The following SLC29A4 variants were observed in gnomAD, a reference collection of about 807,000 sequenced individuals.
SLC29A4 encodes the protein solute carrier family 29 member 4.
In SLC29A4, 36 loss-of-function variants were observed where a neutral mutation model predicts 43.9. The observed-to-expected ratio is 0.82, with a 90% CI of 0.63 to 1.08. SLC29A4 has a LOEUF of 1.08. Among genes scored for constraint, SLC29A4 ranks in the 50% least tolerant of loss-of-function variants. The pLI, the probability that SLC29A4 is intolerant of heterozygous loss-of-function variation, is 0.00. For missense variants in SLC29A4, 869 were observed against 755.3 expected (o/e 1.15, Z -1.77); for synonymous variants, 491 against 338.0 (o/e 1.45, Z -4.97).
chr7:5,303,055 C>T lies in SLC29A4; in HGVS notation c.*116C>T, dbSNP rs557943873. 1.2e-5 allele frequency: 15 copies of T among 1,237,498 alleles called. No individual in the cohort carries two copies. In the South Asian group the frequency reaches 1.9e-4, roughly 16 times the overall value. The allele number at this position is 1,237,498 out of a possible 1,614,324, so 76.7% of individuals were successfully genotyped here. Reference sequence around the variant, plus strand: ...CGGGGCCCTGAGCCTCCCCCTGTGCCAGCAGCCCCACTCCCTCAGGGTCCA... The same window carrying T: ...CGGGGCCCTGAGCCTCCCCCTGTGCTAGCAGCCCCACTCCCTCAGGGTCCA... On this transcript the variant is annotated 3_prime_UTR_variant, in exon 11 of 11. Coordinates refer to ENST00000396872, the MANE Select transcript of SLC29A4 (RefSeq NM_153247.4).
Position 5,303,218 on chromosome 7 carries a change from GC to G in SLC29A4, c.*283del. 3 of 525,616 alleles carry G rather than the reference GC, an allele frequency of 5.7e-6. No homozygotes were observed. The highest frequency in any genetic ancestry group is 3.3e-5 in the East Asian group (1 of 30,108). The allele number at this position is 525,616 out of a possible 1,614,324, so 32.6% of individuals were successfully genotyped here. On this transcript the variant is annotated 3_prime_UTR_variant, in exon 11 of 11. Transcript: ENST00000396872. ...GTCTACCTTCCATCTGTGTCCAGCG[GC>G]CCCGGCTCCAGCCCAGCCAGCACTC... is the stretch of plus-strand genomic sequence containing the variant.
chr7:5,296,270 T>G (rs976108250), intron 6 of SLC29A4, among the ~76,000 whole-genome samples: 31 of 151,786 alleles, frequency 2.0e-4, no homozygotes, highest in African/African-American at 7.5e-4. Flanking sequence ...ACGCACCATC[T>G]TGTTGCATCC....
At chr7:5,293,671 G>C (rs527416045) in intron 5 of SLC29A4, among the ~76,000 whole-genome samples, 3 of 152,162 alleles carry the variant, frequency 2.0e-5, no homozygotes, top group African/African-American at 7.2e-5. Flanking sequence ...TAGAGGCAGG[G>C]TCTCACTCTG....
At chr7:5,299,513 G>C (rs1785981986) in intron 9 of SLC29A4, 86 bp downstream of exon 9, 3 of 1,396,536 alleles carry the variant, frequency 2.1e-6, no homozygotes, top group Non-Finnish European at 2.9e-6. Flanking sequence ...GAAGGGTTCT[G>C]AGTGAAGGAT....
chr7:5,285,345 A>G (rs1267640683), intron 1 of SLC29A4, among the ~76,000 whole-genome samples: 1 of 148,784 alleles, frequency 6.7e-6, no homozygotes, highest in Non-Finnish European at 1.5e-5. Flanking sequence ...CCTTGAGCCT[A>G]GAAGGGGAGA....
At chr7:5,288,007 G>T in intron 2 of SLC29A4, 22 bp downstream of exon 2, 1 of 1,593,154 alleles carries the variant, frequency 6.3e-7, no homozygotes, top group Non-Finnish European at 8.5e-7. Context: ...TGCGGGCAAG[G>T]TGCGGGTCTT....
chr7:5,283,612 C>T (rs1784788400), intron 1 of SLC29A4, among the ~76,000 whole-genome samples: 1 of 152,108 alleles, frequency 6.6e-6, no homozygotes, highest in Non-Finnish European at 1.5e-5. Context: ...GCCCGGGGGG[C>T]CAGCCTGTGG....
intron 3 of SLC29A4, 65 bp from the exon 4 acceptor site, chr7:5,291,059 C>T (rs533237982): frequency 5.0e-6 from 8 of 1,585,262 alleles, no homozygotes; most frequent in Non-Finnish European, 6.9e-6. Flanking sequence ...GGAGGTCTCA[C>T]CTGGCAGGAG....
intron 5 of SLC29A4, among the ~76,000 whole-genome samples, chr7:5,294,227 C>A (rs1194266174): frequency 6.6e-6 from 1 of 152,108 alleles, no homozygotes; most frequent in Non-Finnish European, 1.5e-5. Flanking sequence ...AGGTGTGAGC[C>A]ACCATGCCCA....
chr7:5,291,930 G>A (rs1785335752), intron 5 of SLC29A4, 109 bp downstream of exon 5: 9 of 1,469,392 alleles, frequency 6.1e-6, no homozygotes, highest in African/African-American at 1.4e-5. Flanking sequence ...AACCGGGCTG[G>A]CTGGGTGCCA....
At chr7:5,299,528 G>T in intron 9 of SLC29A4, 101 bp downstream of exon 9, 1 of 1,273,774 alleles carries the variant, frequency 7.9e-7, no homozygotes, top group South Asian at 1.4e-5. Context: ...AAGGATGCAT[G>T]TGGCTCCCAG....
chr7:5,297,240 TTCTCTGTC>T (rs2128090767), intron 7 of SLC29A4, 42 bp downstream of exon 7: 8 of 1,396,808 alleles, frequency 5.7e-6, no homozygotes, highest in South Asian at 1.4e-5. Flanking sequence ...CTCTGTCCCC[TTCTCTGTC>T]CCCACCGCTT....
At chr7:5,300,289 G>C (rs1038781600) in intron 9 of SLC29A4, 133 bp from the exon 10 acceptor site, 6 of 1,359,000 alleles carry the variant, frequency 4.4e-6, no homozygotes, top group Non-Finnish European at 6.1e-6. Context: ...ATCCGGAGAA[G>C]GGCAGGGGTG....
chr7:5,283,535 C>A (rs1390814621), intron 1 of SLC29A4, among the ~76,000 whole-genome samples: 11 of 152,144 alleles, frequency 7.2e-5, no homozygotes, highest in Non-Finnish European at 5.9e-5. Context: ...CGCGAGCCAA[C>A]TTTGCGGCTG....
At chr7:5,301,348 TGATGG>T (rs1415886112) in intron 10 of SLC29A4, among the ~76,000 whole-genome samples, 5 of 142,662 alleles carry the variant, frequency 3.5e-5, no homozygotes, top group African/African-American at 1.3e-4. Flanking sequence ...GAAACAGGAG[TGATGG>T]GATGGGAGAG....
At chr7:5,289,696 G>T (rs1207366146) in intron 2 of SLC29A4, among the ~76,000 whole-genome samples, 5 of 151,892 alleles carry the variant, frequency 3.3e-5, no homozygotes, top group African/African-American at 1.2e-4. Context: ...GACCATCACG[G>T]TCCCCCCCTT....
At chr7:5,288,376 C>T (rs1302804816) in intron 2 of SLC29A4, among the ~76,000 whole-genome samples, 2 of 141,056 alleles carry the variant, frequency 1.4e-5, no homozygotes, top group Non-Finnish European at 3.0e-5. Context: ...GCAATCTCGG[C>T]TCACTGCAAG....
chr7:5,300,940 G>A (rs1786118741), intron 10 of SLC29A4, among the ~76,000 whole-genome samples: 2 of 152,198 alleles, frequency 1.3e-5, no homozygotes, highest in African/African-American at 4.8e-5. Flanking sequence ...CGCTCCCCGT[G>A]CTGTGGGACT....
At position 5,305,020 on chromosome 7, in the gene SLC29A4, TG is replaced by T. The variant is rs1786410690; in HGVS notation, c.*2082del. The T allele has an allele frequency of 1.3e-5, 2 of 152,086 alleles. No homozygotes were observed. Among genetic ancestry groups the T allele is most frequent in the African/African-American group, 2.4e-5 (1 of 41,402 alleles). The allele number at this position is 152,086 out of a possible 1,614,324, so 9.4% of individuals were successfully genotyped here. The stretch of plus-strand genomic sequence containing the variant: ...TTGTGTAGAGATGGGGTCTTGCTGT[TG>T]CCCAGACTGGTCTCAAAGTCTGGGC... On this transcript the variant is annotated 3_prime_UTR_variant, in exon 11 of 11. Coordinates refer to ENST00000396872, the MANE Select transcript of SLC29A4 (RefSeq NM_153247.4).
Sources: gnomAD v4.1 joint callset for allele counts (sites outside exome capture counted in the v4.1 genomes callset) on GRCh38, gnomAD v4.1.1 for gene constraint, MANE v1.5 for transcripts, NCBI Gene and HGNC (gene_info 2026-07-23, HGNC 2026-07-21) for gene names.